Variants in TSPAN9 observed in about 807,000 individuals in gnomAD.
The protein encoded by TSPAN9 is tetraspanin 9, also known as tetraspanin-9.
TSPAN9 carries 16 observed loss-of-function variants against 31.0 expected under a neutral mutation model. The ratio of observed to expected loss-of-function variants is 0.52; its 90% CI spans 0.35 to 0.78. TSPAN9 has a LOEUF of 0.78. Among genes scored for constraint, TSPAN9 ranks in the 30% least tolerant of loss-of-function variants. The pLI, the probability that TSPAN9 is intolerant of heterozygous loss-of-function variation, is 0.01. For synonymous variants in TSPAN9, 145 were observed against 121.6 expected, an observed-to-expected ratio of 1.19 and a Z score of -1.27; for missense variants, 272 against 312.5, an observed-to-expected ratio of 0.87 and a Z score of 0.98.
At chr12:3,182,860 G>A (rs1016022754) in intron 2 of TSPAN9, among the ~76,000 whole-genome samples, 4 of 152,154 alleles carry the variant, frequency 2.6e-5, no homozygotes, top group African/African-American at 9.7e-5. Flanking sequence ...GCCAGGCCAC[G>A]CAGCCCTCCC....
chr12:3,081,844 G>GTGTGTGTATATATATATATATATA (rs57812985), intron 1 of TSPAN9, among the ~76,000 whole-genome samples: 5 of 116,768 alleles, frequency 4.3e-5, no homozygotes, highest in African/African-American at 1.1e-4. Context: ...GTCTGTGTGT[G>GTGTGTGTATATATATATATATATA]TATATATATG....
chr12:3,117,910 G>T (rs1591635423), intron 2 of TSPAN9, among the ~76,000 whole-genome samples: 1 of 152,224 alleles, frequency 6.6e-6, no homozygotes, highest in South Asian at 2.1e-4. Flanking sequence ...GGGACCTGCG[G>T]AGCTGTCACC....
At chr12:3,202,929 A>C (rs148036919) in intron 3 of TSPAN9, among the ~76,000 whole-genome samples, 2 of 152,324 alleles carry the variant, frequency 1.3e-5, no homozygotes, top group African/African-American at 4.8e-5. Flanking sequence ...CCTGTGACCC[A>C]TCTGCCAGCA....
chr12:3,139,119 C>T (rs571942560), intron 2 of TSPAN9, among the ~76,000 whole-genome samples: 3 of 152,322 alleles, frequency 2.0e-5, no homozygotes, highest in Admixed American at 1.3e-4. Flanking sequence ...AATTGCCTCC[C>T]GCTGCCCCTT....
intron 2 of TSPAN9, among the ~76,000 whole-genome samples, chr12:3,199,779 C>T (rs1016462814): frequency 1.3e-5 from 2 of 152,290 alleles, no homozygotes. Context: ...CCGCAGAGGC[C>T]CCCGGCGCTT....
At chr12:3,096,093 G>A (rs371468777) in intron 2 of TSPAN9, among the ~76,000 whole-genome samples, 1 of 152,070 alleles carries the variant, frequency 6.6e-6, no homozygotes, top group Admixed American at 6.5e-5. Context: ...TCCGCTGCCC[G>A]CTGAACTCCA....
At position 3,226,734 on chromosome 12, in the gene TSPAN9, GTGTGTGTGTGTATATATATATATATA is replaced by G. The variant is rs2098387573; in HGVS notation, c.63+25480_63+25505del. ...TGTGTATGTATGTGTGTGTGTGTGT[GTGTGTGTGTGTATATATATATATATA>G]TATATATATATATATATATATATAT... On this transcript the variant is annotated intron_variant, in intron 3 of 8. Transcript: ENST00000011898. Among the ~76,000 whole-genome samples, 46 of 14,300 alleles carry G rather than the reference GTGTGTGTGTGTATATATATATATATA, an allele frequency of 3.2e-3. 2 individuals carry two copies. The highest frequency in any genetic ancestry group is 0.01 in the African/African-American group (42 of 4,110). The allele number at this position is 14,300 out of a possible 152,430, so 9.4% of individuals were successfully genotyped here.
chr12:3,186,061 A>G (rs1487964604), intron 2 of TSPAN9, among the ~76,000 whole-genome samples: 2 of 152,152 alleles, frequency 1.3e-5, no homozygotes, highest in Non-Finnish European at 2.9e-5. Flanking sequence ...TGGAGGATGC[A>G]GCTGTGCCAG....
intron 3 of TSPAN9, among the ~76,000 whole-genome samples, chr12:3,245,926 C>T: frequency 6.6e-6 from 1 of 151,856 alleles, no homozygotes; most frequent in Middle Eastern, 3.2e-3. Context: ...AAGAGAATGC[C>T]CAAATCTGCC....
At chr12:3,244,494 G>A (rs901400202) in intron 3 of TSPAN9, among the ~76,000 whole-genome samples, 6 of 152,240 alleles carry the variant, frequency 3.9e-5, no homozygotes, top group African/African-American at 1.4e-4. Context: ...GAGGTGCGCA[G>A]ATGGGGGCAG....
Position 3,243,806 on chromosome 12 carries a change from G to T in TSPAN9, c.64-34615G>T, listed in dbSNP as rs562386217. ...GGTGTCAGGCAGGTGGAGAGCCCAG[G>T]CCAGCTGCTCTAGGCAGCAGGGGAG... On this transcript the variant is annotated intron_variant, in intron 3 of 8. Coordinates refer to ENST00000011898, the MANE Select transcript of TSPAN9 (RefSeq NM_006675.5). 1.4e-4 allele frequency among the ~76,000 whole-genome samples: 22 copies of T among 152,312 alleles called. No homozygotes were observed. In the South Asian group the frequency reaches 4.6e-3, roughly 32 times the overall value.
chr12:3,132,248 T>C (rs1209708133), intron 2 of TSPAN9, among the ~76,000 whole-genome samples: 1 of 152,214 alleles, frequency 6.6e-6, no homozygotes, highest in African/African-American at 2.4e-5. Context: ...AAGCTTTTGT[T>C]TGGACACCTG....
At chr12:3,276,295 A>G (rs879768319) in intron 3 of TSPAN9, among the ~76,000 whole-genome samples, 4 of 152,206 alleles carry the variant, frequency 2.6e-5, no homozygotes, top group Non-Finnish European at 5.9e-5. Context: ...CAGTGAGATC[A>G]TGTCACTCTC....
At chr12:3,206,910 A>T (rs754127447) in intron 3 of TSPAN9, among the ~76,000 whole-genome samples, 8 of 152,212 alleles carry the variant, frequency 5.3e-5, no homozygotes, top group Non-Finnish European at 8.8e-5. Context: ...ATTAGATCAG[A>T]CTAGAGGGTC....
intron 3 of TSPAN9, among the ~76,000 whole-genome samples, chr12:3,220,049 G>A (rs1016873958): frequency 6.6e-6 from 1 of 151,818 alleles, no homozygotes; most frequent in African/African-American, 2.4e-5. Context: ...GAAGGCTAAG[G>A]CAGGAGAATT....
At chr12:3,097,210 C>T (rs989042050) in intron 2 of TSPAN9, among the ~76,000 whole-genome samples, 2 of 152,176 alleles carry the variant, frequency 1.3e-5, no homozygotes, top group African/African-American at 4.8e-5. Flanking sequence ...TTTCTCTCCC[C>T]CTCCCATGCC....
chr12:3,110,227 C>T (rs2098317791), intron 2 of TSPAN9, among the ~76,000 whole-genome samples: 2 of 152,110 alleles, frequency 1.3e-5, no homozygotes, highest in South Asian at 2.1e-4. Flanking sequence ...GTACAGAGGC[C>T]AAGACCCTGC....
At chr12:3,155,925 GAAAGGACTTGAAGACGTTGCTCCAT>G (rs2098342039) in intron 2 of TSPAN9, among the ~76,000 whole-genome samples, 2 of 152,184 alleles carry the variant, frequency 1.3e-5, no homozygotes, top group African/African-American at 4.8e-5. Context: ...TCAGGACGCC[GAAAGGACTTGAAGACGTTGCTCCAT>G]GGTTTTCCCG....
At chr12:3,188,111 G>T (rs116794463) in intron 2 of TSPAN9, among the ~76,000 whole-genome samples, 1,553 of 152,228 alleles carry the variant, frequency 0.01, 26 homozygotes, top group African/African-American at 0.035. Context: ...GTGTGGGGGT[G>T]AAAGGTTCCA....
Sources: gnomAD v4.1 joint callset for allele counts (sites outside exome capture counted in the v4.1 genomes callset) on GRCh38, gnomAD v4.1.1 for gene constraint, MANE v1.5 for transcripts, NCBI Gene and HGNC (gene_info 2026-07-23, HGNC 2026-07-21) for gene names.